CCDC66: variants seen among roughly 807,000 people sequenced by gnomAD.
CCDC66 encodes coiled-coil domain containing 66, also known as coiled-coil domain-containing protein 66.
Under a neutral mutation model 128.3 loss-of-function variants are expected in CCDC66, and 133 were observed. The ratio of observed to expected loss-of-function variants is 1.04; its 90% CI spans 0.90 to 1.20. The LOEUF is 1.20. CCDC66 is among the 50% of genes most tolerant of loss of function. The pLI is 0.00. For missense variants in CCDC66, 1,126 were observed against 1,075.5 expected (o/e 1.05, Z -0.66); for synonymous variants, 387 against 357.0 (o/e 1.08, Z -0.95).
chr3:56,585,057 G>A lies in CCDC66; in HGVS notation c.937-7913G>A, dbSNP rs536053865. On this transcript the variant is annotated intron_variant, in intron 7 of 17. Coordinates refer to ENST00000394672, the MANE Select transcript of CCDC66 (RefSeq NM_001141947.3). ...GATGGCAGCAGTACAGTCCAGCTTC[G>A]GCTCGGCATCAGAGGGAGACAGTGG... Among the ~76,000 whole-genome samples, 428 of 151,334 alleles carry A rather than the reference G, an allele frequency of 2.8e-3. 6 individuals are homozygous for A. Among genetic ancestry groups the A allele is most frequent in the African/African-American group, 1.0e-2 (413 of 41,344 alleles).
chr3:56,608,280 T>G (rs2074340090), intron 10 of CCDC66, among the ~76,000 whole-genome samples: 1 of 152,164 alleles, frequency 6.6e-6, no homozygotes, highest in African/African-American at 2.4e-5. Flanking sequence ...TTGTTGGTAA[T>G]TTTTAAATTA....
chr3:56,601,108 C>T (rs949971331), intron 10 of CCDC66, among the ~76,000 whole-genome samples: 1 of 152,028 alleles, frequency 6.6e-6, no homozygotes, highest in Non-Finnish European at 1.5e-5. Context: ...GGTTTTAGGT[C>T]TTACGTTTAA....
At chr3:56,583,912 G>A (rs866099547) in intron 7 of CCDC66, among the ~76,000 whole-genome samples, 1,465 of 63,870 alleles carry the variant, frequency 0.023, 104 homozygotes, top group African/African-American at 0.11. Context: ...ATGGGGCGGC[G>A]GCTGGGCGGG....
intron 6 of CCDC66, among the ~76,000 whole-genome samples, chr3:56,567,999 T>A (rs1300543360): frequency 6.6e-6 from 1 of 152,172 alleles, no homozygotes; most frequent in Non-Finnish European, 1.5e-5. Context: ...CAAAAGTGGT[T>A]TTATTATGTA....
At chr3:56,568,012 T>C (rs947833020) in intron 6 of CCDC66, among the ~76,000 whole-genome samples, 3 of 152,166 alleles carry the variant, frequency 2.0e-5, no homozygotes, top group Non-Finnish European at 2.9e-5. Context: ...ATTATGTACA[T>C]GAGACCTCAA....
intron 4 of CCDC66, among the ~76,000 whole-genome samples, chr3:56,565,832 A>G (rs887840109): frequency 1.4e-5 from 2 of 146,214 alleles, no homozygotes; most frequent in Non-Finnish European, 3.0e-5. Flanking sequence ...ACGCCCGGCT[A>G]ATGTTTTGTA....
chr3:56,557,337 T>A, intron 1 of CCDC66, 84 bp downstream of exon 1: 1 of 1,509,102 alleles, frequency 6.6e-7, no homozygotes. Flanking sequence ...GGGTTGTCCC[T>A]TGGAGTCTTT....
chr3:56,557,592 G>GGGA (rs1158325644), intron 1 of CCDC66: 2 of 356,102 alleles, frequency 5.6e-6, no homozygotes, highest in African/African-American at 4.2e-5. Context: ...GCGGCTCCTG[G>GGGA]GGAGGACTCC....
rs558342910 is a variant in CCDC66 at position 56,570,476 on chromosome 3, T to C, written c.815-705T>C. 11 of 152,450 alleles carry C rather than the reference T, an allele frequency of 7.2e-5. No homozygotes were observed. The East Asian group carries it at 2.1e-3, about 29-fold the overall frequency. The allele number at this position is 152,450 out of a possible 1,614,324, so 9.4% of individuals were successfully genotyped here. ...GAAAGCTTACCAGCAGTTGGCCAAC[T>C]GCGGTGGGCTCATGCCTGTAATCCT... is the stretch of plus-strand genomic sequence containing the variant. On this transcript the variant is annotated intron_variant, in intron 6 of 17. Transcript: ENST00000394672.
At chr3:56,621,263 A>T (rs576433296) in intron 17 of CCDC66, 1 of 257,980 alleles carries the variant, frequency 3.9e-6, no homozygotes, top group African/African-American at 2.2e-5. Flanking sequence ...AGAAGGGATG[A>T]CTTCATTTAC....
chr3:56,601,412 C>T (rs2073149259), intron 10 of CCDC66, among the ~76,000 whole-genome samples: 1 of 152,022 alleles, frequency 6.6e-6, no homozygotes, highest in African/African-American at 2.4e-5. Flanking sequence ...AGCATGATGC[C>T]TCCAGCTTTG....
rs1240265988 is a variant in CCDC66, at chr3:56,593,580, C to A, written c.1158C>A (p.His386Gln). 2.5e-6 allele frequency: 4 copies of A among 1,614,196 alleles called. No individual in the cohort carries two copies. Among genetic ancestry groups the A allele is most frequent in the South Asian group, 1.1e-5 (1 of 91,086 alleles). Residue 386 changes from histidine to glutamine, a missense_variant, in exon 9 of 18, where the codon CAC (histidine) becomes CAA (glutamine). Physicochemically the swap from His to Gln is conservative, Grantham distance 24. Transcript: ENST00000394672. ...SQSQLFSQST[H>Q]KQPEYFCVSP... ...CTCAGCTGTTCTCTCAGTCAACACA[C>A]AAACAACCTGAGTACTTCTGTGTCT...
In CCDC66 at chr3:56,566,931, C is replaced by A; in HGVS notation, c.711-19C>A. 1 of 1,590,710 alleles carries A rather than the reference C, an allele frequency of 6.3e-7. No individual in the cohort carries two copies. The highest frequency in any genetic ancestry group is 8.6e-7 in the Non-Finnish European group (1 of 1,161,630). ...AAATGTATGATACAGTTTCTGTTAT[C>A]TTTTGTGTTTTACCTTAGAGAGAAT... On this transcript the variant is annotated intron_variant, in intron 5 of 17. Coordinates refer to ENST00000394672, the MANE Select transcript of CCDC66 (RefSeq NM_001141947.3).
intron 17 of CCDC66, chr3:56,620,625 C>G (rs1038309649): frequency 2.0e-5 from 3 of 152,204 alleles, no homozygotes; most frequent in Non-Finnish European, 2.9e-5. Flanking sequence ...ATTGTCCCCC[C>G]ACTTTGGTCT....
intron 1 of CCDC66, among the ~76,000 whole-genome samples, chr3:56,558,218 A>T (rs747321381): frequency 8.5e-5 from 13 of 152,118 alleles, no homozygotes; most frequent in Non-Finnish European, 1.3e-4. Context: ...TATGGACTGT[A>T]TGTATGGGCT....
chr3:56,589,075 A>C (rs947212556), intron 7 of CCDC66, among the ~76,000 whole-genome samples: 1 of 152,218 alleles, frequency 6.6e-6, no homozygotes, highest in Non-Finnish European at 1.5e-5. Context: ...AAAGTTATTT[A>C]AATTGATAAG....
At chr3:56,568,160 TACAG>T (rs1178805482) in intron 6 of CCDC66, among the ~76,000 whole-genome samples, 1 of 152,214 alleles carries the variant, frequency 6.6e-6, no homozygotes, top group Admixed American at 6.5e-5. Context: ...AGATTTTCTC[TACAG>T]ATGCAAATCT....
chr3:56,615,072 TAGTC>T, intron 11 of CCDC66, 52 bp from the exon 12 acceptor site: 2 of 1,559,862 alleles, frequency 1.3e-6, no homozygotes, highest in Non-Finnish European at 1.8e-6. Flanking sequence ...TGAGAGGAAA[TAGTC>T]AAGTCTTTGT....
At chr3:56,557,683 A>G (rs539599399) in intron 1 of CCDC66, 5 of 177,210 alleles carry the variant, frequency 2.8e-5, no homozygotes, top group Non-Finnish European at 6.0e-5. Context: ...TTTTAGGCCC[A>G]CGAGGCGGGG....
Sources: allele counts gnomAD v4.1 joint callset (sites outside exome capture counted in the v4.1 genomes callset), GRCh38; gene constraint gnomAD v4.1.1; transcripts MANE v1.5; gene names NCBI Gene and HGNC (gene_info 2026-07-23, HGNC 2026-07-21).